LTBP1: variants seen among roughly 807,000 people sequenced by gnomAD.
LTBP1 encodes latent transforming growth factor beta binding protein 1, also known as latent-transforming growth factor beta-binding protein 1.
A neutral mutation model predicts 207.6 loss-of-function variants in LTBP1; 129 were observed. The ratio of observed to expected loss-of-function variants is 0.62; its 90% confidence interval spans 0.54 to 0.72. The LOEUF is 0.72. Among genes scored for constraint, LTBP1 ranks in the 30% least tolerant of loss-of-function variants. The pLI is 0.00. For missense variants in LTBP1, 2,281 were observed against 2,217.2 expected, an observed-to-expected ratio of 1.03 and a Z score of -0.58; for synonymous variants, 963 against 833.7, an observed-to-expected ratio of 1.16 and a Z score of -2.67.
intron 32 of LTBP1, among the ~76,000 whole-genome samples, chr2:33,390,090 A>G (rs532251527): frequency 6.6e-6 from 1 of 152,208 alleles, no homozygotes; most frequent in East Asian, 1.9e-4. Flanking sequence ...GATCATTATT[A>G]TAAGTGTTTT....
chr2:33,026,948 C>T (rs1386222732), intron 3 of LTBP1, among the ~76,000 whole-genome samples: 2 of 152,216 alleles, frequency 1.3e-5, no homozygotes, highest in Non-Finnish European at 2.9e-5. Flanking sequence ...TCTTCCTCCT[C>T]ACCGGAGGGA....
intron 7 of LTBP1, among the ~76,000 whole-genome samples, chr2:33,192,010 C>T (rs572706272): frequency 3.3e-5 from 5 of 152,206 alleles, no homozygotes; most frequent in African/African-American, 1.2e-4. Flanking sequence ...AATTTCAGAA[C>T]TGTTTGGAGG....
chr2:33,177,929 C>A (rs545057749), intron 5 of LTBP1, among the ~76,000 whole-genome samples: 1 of 152,298 alleles, frequency 6.6e-6, no homozygotes, highest in South Asian at 2.1e-4. Context: ...GATCAAATCA[C>A]ATTACGCTAG....
chr2:33,330,481 G>GT (rs1319490847), intron 24 of LTBP1, among the ~76,000 whole-genome samples: 48 of 146,282 alleles, frequency 3.3e-4, no homozygotes, highest in African/African-American at 5.3e-4. Flanking sequence ...CTTGCCATAG[G>GT]TTTTTTTTTT....
At chr2:33,378,568 T>C (rs542894250) in intron 31 of LTBP1, among the ~76,000 whole-genome samples, 1 of 152,246 alleles carries the variant, frequency 6.6e-6, no homozygotes, top group African/African-American at 2.4e-5. Context: ...TGCTCTTCTT[T>C]TTTTCCTTTT....
chr2:33,078,867 T>C (rs867920775), intron 3 of LTBP1, among the ~76,000 whole-genome samples: 65 of 125,700 alleles, frequency 5.2e-4, no homozygotes, highest in African/African-American at 1.7e-3. Context: ...CTTTTCTTTT[T>C]TTTTTTTTTT....
chr2:33,025,416 A>G (rs1384054379), intron 3 of LTBP1, among the ~76,000 whole-genome samples: 1 of 152,244 alleles, frequency 6.6e-6, no homozygotes, highest in African/African-American at 2.4e-5. Context: ...AGATTTCAAC[A>G]AAACAATTCC....
At chr2:33,376,127 C>G (rs1044724906) in intron 31 of LTBP1, among the ~76,000 whole-genome samples, 48 of 152,270 alleles carry the variant, frequency 3.2e-4, no homozygotes, top group African/African-American at 1.1e-3. Context: ...ATTTAATTAG[C>G]TCTTATAAGT....
At chr2:33,366,499 C>T (rs192380864) in intron 31 of LTBP1, among the ~76,000 whole-genome samples, 2 of 152,156 alleles carry the variant, frequency 1.3e-5, no homozygotes, top group Admixed American at 1.3e-4. Context: ...TGGGAATTCC[C>T]GTAAGAAGAA....
intron 7 of LTBP1, among the ~76,000 whole-genome samples, chr2:33,199,545 T>C (rs1216630438): frequency 6.6e-6 from 1 of 152,182 alleles, no homozygotes; most frequent in Non-Finnish European, 1.5e-5. Flanking sequence ...ACTGGAAGCA[T>C]TCCCTTTGAA....
intron 17 of LTBP1, among the ~76,000 whole-genome samples, chr2:33,275,523 A>G (rs2093407370): frequency 6.6e-6 from 1 of 152,088 alleles, no homozygotes; most frequent in Non-Finnish European, 1.5e-5. Context: ...TGTCTCTACT[A>G]AAAATACAGA....
intron 5 of LTBP1, among the ~76,000 whole-genome samples, chr2:33,140,829 G>A (rs1471590259): frequency 4.0e-5 from 6 of 151,854 alleles, no homozygotes; most frequent in Admixed American, 6.6e-5. Flanking sequence ...CACCATGCCC[G>A]GCTAATTTTT....
At chr2:33,167,879 C>T (rs1007133297) in intron 5 of LTBP1, among the ~76,000 whole-genome samples, 44 of 152,198 alleles carry the variant, frequency 2.9e-4, no homozygotes, top group African/African-American at 1.0e-3. Flanking sequence ...ATTTCTTCCA[C>T]TGGTGGTATA....
chr2:33,369,073 C>T (rs1181939027), intron 31 of LTBP1, among the ~76,000 whole-genome samples: 2 of 151,608 alleles, frequency 1.3e-5, no homozygotes, highest in Non-Finnish European at 2.9e-5. Flanking sequence ...AAATTGTTTT[C>T]AACTAAAGTT....
At chr2:33,021,234 A>G in intron 3 of LTBP1, 28 bp downstream of exon 3, 2 of 1,551,274 alleles carry the variant, frequency 1.3e-6, no homozygotes, top group Non-Finnish European at 1.8e-6. Context: ...TCATTTAGCT[A>G]AGGATCATCT....
At chr2:33,246,433 C>T (rs923780012) in intron 10 of LTBP1, among the ~76,000 whole-genome samples, 1 of 151,804 alleles carries the variant, frequency 6.6e-6, no homozygotes, top group Admixed American at 6.6e-5. Flanking sequence ...TTTTGGTAGT[C>T]ACAGGGAAAT....
chr2:33,275,733 G>A (rs1262243982), intron 17 of LTBP1, 68 bp from the exon 18 acceptor site: 1 of 1,579,078 alleles, frequency 6.3e-7, no homozygotes. Context: ...GAGCTAAGCT[G>A]GGAGATGGGA....
chr2:33,132,558 A>G (rs1192999722), intron 4 of LTBP1, among the ~76,000 whole-genome samples: 2 of 152,218 alleles, frequency 1.3e-5, no homozygotes, highest in East Asian at 1.9e-4. Flanking sequence ...CCCTTTGTAG[A>G]AAAAGTTTGC....
intron 4 of LTBP1, 36 bp downstream of exon 4, chr2:33,110,787 T>C (rs747789215): frequency 1.7e-5 from 27 of 1,596,350 alleles, no homozygotes; most frequent in Non-Finnish European, 2.2e-5. Flanking sequence ...TCCCAAGTTA[T>C]GGTATCAGAG....
Sources: gnomAD v4.1 joint callset for allele counts (sites outside exome capture counted in the v4.1 genomes callset) on GRCh38, gnomAD v4.1.1 for gene constraint, MANE v1.5 for transcripts, NCBI Gene and HGNC (gene_info 2026-07-23, HGNC 2026-07-21) for gene names.